DPP10: variants seen among roughly 807,000 people sequenced by gnomAD.
DPP10 encodes dipeptidyl peptidase like 10, also known as inactive dipeptidyl peptidase 10.
Under a neutral mutation model 120.9 loss-of-function variants are expected in DPP10, and 33 were observed. The observed-to-expected ratio is 0.27, with a 90% CI of 0.21 to 0.37. The LOEUF (loss-of-function observed/expected upper bound fraction) is 0.37, where lower values mean the gene tolerates loss of function less well. Ranked by LOEUF, DPP10 falls within the 10% of genes least tolerant of loss-of-function variation. The probability of loss-of-function intolerance (pLI) is 1.00; values close to 1 mark genes in which losing one functional copy is unlikely to be tolerated. For missense variants in DPP10, 816 were observed against 942.8 expected (o/e 0.87, Z 1.76); for synonymous variants, 337 against 326.1 (o/e 1.03, Z -0.36).
At chr2:115,208,724 G>T (rs919075465) in intron 1 of DPP10, among the ~76,000 whole-genome samples, 1 of 152,100 alleles carries the variant, frequency 6.6e-6, no homozygotes. Flanking sequence ...GGACAAGGTT[G>T]TGGGTGGCTC....
intron 9 of DPP10, among the ~76,000 whole-genome samples, chr2:115,740,769 C>T (rs974667922): frequency 3.9e-5 from 6 of 152,080 alleles, no homozygotes; most frequent in African/African-American, 1.4e-4. Context: ...TGTATTTTTT[C>T]CCAATGTTTA....
chr2:115,283,166 G>C (rs1465859961), intron 1 of DPP10, among the ~76,000 whole-genome samples: 2 of 151,868 alleles, frequency 1.3e-5, no homozygotes, highest in African/African-American at 4.8e-5. Flanking sequence ...AGACAGCGGG[G>C]CTTCCTGTGT....
At chr2:115,019,938 TAC>T (rs1263309289) in intron 1 of DPP10, among the ~76,000 whole-genome samples, 1 of 152,204 alleles carries the variant, frequency 6.6e-6, no homozygotes, top group African/African-American at 2.4e-5. Context: ...GAAGGAAAGA[TAC>T]AGTCTTTTCC....
intron 1 of DPP10, among the ~76,000 whole-genome samples, chr2:115,287,488 A>G (rs952123358): frequency 9.9e-5 from 15 of 151,910 alleles, no homozygotes; most frequent in African/African-American, 3.4e-4. Flanking sequence ...TTATACTACT[A>G]TGTCTGCCTT....
intron 1 of DPP10, among the ~76,000 whole-genome samples, chr2:114,603,470 GC>G (rs951295473): frequency 2.6e-5 from 4 of 152,102 alleles, no homozygotes; most frequent in Admixed American, 1.3e-4. Context: ...TTCTGAGGAT[GC>G]ATTCAGATAT....
chr2:115,377,032 A>G (rs2065863784), intron 3 of DPP10, among the ~76,000 whole-genome samples: 2 of 151,286 alleles, frequency 1.3e-5, no homozygotes, highest in Non-Finnish European at 3.0e-5. Context: ...GTGTCTTTAT[A>G]GCAGCATGAT....
At chr2:114,902,922 A>G (rs1693694025) in intron 1 of DPP10, among the ~76,000 whole-genome samples, 1 of 152,144 alleles carries the variant, frequency 6.6e-6, no homozygotes, top group Non-Finnish European at 1.5e-5. Flanking sequence ...GAATATTTTC[A>G]CTGGCCTAAA....
intron 19 of DPP10, among the ~76,000 whole-genome samples, chr2:115,792,753 A>C (rs150809286): frequency 2.8e-4 from 42 of 152,188 alleles, no homozygotes; most frequent in Non-Finnish European, 4.4e-4. Flanking sequence ...CCCATCTTCT[A>C]TCTCAGTCAC....
intron 1 of DPP10, among the ~76,000 whole-genome samples, chr2:114,548,754 G>A (rs540193159): frequency 7.2e-5 from 11 of 152,180 alleles, no homozygotes; most frequent in Non-Finnish European, 1.3e-4. Flanking sequence ...CAGGTAGAGT[G>A]AAATGACATC....
intron 3 of DPP10, among the ~76,000 whole-genome samples, chr2:115,447,606 A>G (rs2072728681): frequency 6.6e-6 from 1 of 152,106 alleles, no homozygotes; most frequent in African/African-American, 2.4e-5. Flanking sequence ...TGTGATAGTG[A>G]GAGAGTTCTC....
At chr2:114,868,272 A>G (rs1360710535) in intron 1 of DPP10, among the ~76,000 whole-genome samples, 3 of 152,336 alleles carry the variant, frequency 2.0e-5, no homozygotes, top group Non-Finnish European at 2.9e-5. Flanking sequence ...AGACATTGCC[A>G]GTACTCCCAT....
intron 1 of DPP10, among the ~76,000 whole-genome samples, chr2:115,031,339 T>A (rs573388449): frequency 6.6e-6 from 1 of 152,214 alleles, no homozygotes; most frequent in Non-Finnish European, 1.5e-5. Context: ...CAATCTTTAT[T>A]GATAGCTAAT....
chr2:114,865,427 A>G (rs1427869903), intron 1 of DPP10, among the ~76,000 whole-genome samples: 4 of 152,236 alleles, frequency 2.6e-5, no homozygotes, highest in Non-Finnish European at 4.4e-5. Context: ...AAATTCATAA[A>G]TAAATCTATT....
intron 1 of DPP10, among the ~76,000 whole-genome samples, chr2:115,111,067 G>A (rs1010447286): frequency 2.0e-5 from 3 of 152,096 alleles, no homozygotes; most frequent in African/African-American, 4.8e-5. Flanking sequence ...CTGTGGAGAA[G>A]GAAACGCAAT....
At chr2:115,811,237 A>G (rs1252885068) in intron 19 of DPP10, among the ~76,000 whole-genome samples, 2 of 152,208 alleles carry the variant, frequency 1.3e-5, no homozygotes, top group Admixed American at 6.5e-5. Context: ...CAATTAGATC[A>G]CAGAAATGGG....
chr2:115,634,845 C>T (rs902510971), intron 5 of DPP10, among the ~76,000 whole-genome samples: 18 of 152,172 alleles, frequency 1.2e-4, no homozygotes, highest in South Asian at 2.1e-4. Flanking sequence ...GCGAAGACTG[C>T]GGCCACCCCT....
intron 1 of DPP10, among the ~76,000 whole-genome samples, chr2:114,474,515 C>T (rs1680211581): frequency 6.6e-6 from 1 of 152,128 alleles, no homozygotes; most frequent in African/African-American, 2.4e-5. Context: ...GTATCTTTCT[C>T]AGGGGACTGA....
At chr2:114,626,581 T>C (rs1237016071) in intron 1 of DPP10, among the ~76,000 whole-genome samples, 6 of 152,014 alleles carry the variant, frequency 3.9e-5, no homozygotes, top group Non-Finnish European at 7.4e-5. Context: ...TTTCTAGTTT[T>C]AGAAAAAGAC....
intron 1 of DPP10, among the ~76,000 whole-genome samples, chr2:114,882,519 T>C (rs1309348431): frequency 4.3e-5 from 6 of 139,342 alleles, no homozygotes; most frequent in African/African-American, 1.3e-4. Context: ...AGAAGAAAGG[T>C]GGGAAGGGTG....
Sources: gnomAD v4.1 joint callset for allele counts (sites outside exome capture counted in the v4.1 genomes callset) on GRCh38, gnomAD v4.1.1 for gene constraint, MANE v1.5 for transcripts, NCBI Gene and HGNC (gene_info 2026-07-23, HGNC 2026-07-21) for gene names.